MCC: variants seen among roughly 807,000 people sequenced by gnomAD.
MCC encodes the protein colorectal mutant cancer protein.
A neutral mutation model predicts 116.2 loss-of-function variants in MCC; 90 were observed. The ratio of observed to expected loss-of-function variants is 0.77; its 90% CI spans 0.65 to 0.92. The LOEUF (loss-of-function observed/expected upper bound fraction) is 0.92, where lower values mean the gene tolerates loss of function less well. Ranked by LOEUF, MCC falls within the 40% of genes least tolerant of loss-of-function variation. The pLI is 0.00. For synonymous variants in MCC, 578 were observed against 510.5 expected (o/e 1.13, Z -1.78); for missense variants, 1,516 against 1,312.2 (o/e 1.16, Z -2.40).
At chr5:113,094,705 C>A (rs1301460696) in intron 8 of MCC, among the ~76,000 whole-genome samples, 1 of 152,226 alleles carries the variant, frequency 6.6e-6, no homozygotes, top group Non-Finnish European at 1.5e-5. Context: ...CAGGCATGAG[C>A]CACCGCTCCC....
intron 3 of MCC, among the ~76,000 whole-genome samples, chr5:113,328,757 A>C (rs1202735511): frequency 6.6e-6 from 1 of 152,170 alleles, no homozygotes; most frequent in Non-Finnish European, 1.5e-5. Context: ...CAGAGAAGTG[A>C]AAATCCAGTC....
chr5:113,416,142 TC>T (rs1362755787), intron 1 of MCC, among the ~76,000 whole-genome samples: 6 of 152,218 alleles, frequency 3.9e-5, no homozygotes, highest in Non-Finnish European at 2.9e-5. Context: ...TCTGCATTGA[TC>T]ACGCTGGGAG....
At chr5:113,355,936 C>G in intron 2 of MCC, among the ~76,000 whole-genome samples, 1 of 152,104 alleles carries the variant, frequency 6.6e-6, no homozygotes. Context: ...ATCTGGCATC[C>G]CTGTAAGTAG....
chr5:113,289,817 C>T (rs1766413817), intron 3 of MCC, among the ~76,000 whole-genome samples: 1 of 152,222 alleles, frequency 6.6e-6, no homozygotes, highest in South Asian at 2.1e-4. Context: ...TTATTTTCAA[C>T]CTCTAAATTT....
At chr5:113,411,042 T>C (rs1769976692) in intron 1 of MCC, among the ~76,000 whole-genome samples, 1 of 152,236 alleles carries the variant, frequency 6.6e-6, no homozygotes, top group Admixed American at 6.5e-5. Flanking sequence ...GTCTTTGCTA[T>C]TGTGAATAGT....
chr5:113,310,422 A>G lies in MCC; in HGVS notation c.627+30097T>C, dbSNP rs915752790. On this transcript the variant is annotated intron_variant, in intron 3 of 18. Coordinates refer to ENST00000408903, the MANE Select transcript of MCC (RefSeq NM_001085377.2). ...TGAACTTCCCAGCCTCCAGAACGCT[A>G]AGAAATAAAGTTCTGTTCTTTAAAA... 6.6e-5 allele frequency among the ~76,000 whole-genome samples: 10 copies of G among 152,210 alleles called. 1 individual carries two copies. Among genetic ancestry groups the G allele is most frequent in the South Asian group, 4.1e-4 (2 of 4,832 alleles).
chr5:113,368,386 T>C (rs559854327), intron 2 of MCC, among the ~76,000 whole-genome samples: 1 of 152,310 alleles, frequency 6.6e-6, no homozygotes, highest in South Asian at 2.1e-4. Flanking sequence ...GAAAATTTCA[T>C]AGACTATTTT....
At position 113,347,432 on chromosome 5, in the gene MCC, T is replaced by C. The variant is rs1768162322; in HGVS notation, c.416-6702A>G. On this transcript the variant is annotated intron_variant, in intron 2 of 18. Transcript: ENST00000408903. The stretch of plus-strand genomic sequence containing the variant: ...CAGTGTTGTTATCAGTTAAAAATAA[T>C]GGGTTATGTATACATATGTAACAAA... Among the ~76,000 whole-genome samples, 5 of 152,300 alleles carry C rather than the reference T, an allele frequency of 3.3e-5. No individual in the cohort carries two copies. The South Asian group carries it at 8.3e-4, about 25-fold the overall frequency.
chr5:113,242,699 A>T (rs1764420238), intron 3 of MCC, among the ~76,000 whole-genome samples: 1 of 152,154 alleles, frequency 6.6e-6, no homozygotes, highest in African/African-American at 2.4e-5. Context: ...GAACATGACC[A>T]CACGGGGGTA....
chr5:113,222,814 A>C (rs1763599897), intron 3 of MCC, among the ~76,000 whole-genome samples: 1 of 152,180 alleles, frequency 6.6e-6, no homozygotes, highest in South Asian at 2.1e-4. Flanking sequence ...GGACCACTGC[A>C]CCCAGTGCAC....
intron 3 of MCC, among the ~76,000 whole-genome samples, chr5:113,263,281 AGGACCCTTAATG>A (rs1185859916): frequency 6.6e-6 from 1 of 152,204 alleles, no homozygotes; most frequent in South Asian, 2.1e-4. Context: ...TGTGATGGAG[AGGACCCTTAATG>A]GGAATGGAAG....
chr5:113,443,567 T>C (rs1217364812), intron 1 of MCC, among the ~76,000 whole-genome samples: 1 of 152,202 alleles, frequency 6.6e-6, no homozygotes, highest in Non-Finnish European at 1.5e-5. Context: ...CATCCTTGTC[T>C]TATGCCGGTT....
chr5:113,282,269 C>T (rs141671590), intron 3 of MCC, among the ~76,000 whole-genome samples: 158 of 152,328 alleles, frequency 1.0e-3, no homozygotes, highest in African/African-American at 3.6e-3. Flanking sequence ...CCCAATATGT[C>T]ATCACTGCTA....
intron 3 of MCC, among the ~76,000 whole-genome samples, chr5:113,190,418 G>A (rs896085355): frequency 6.6e-6 from 1 of 152,200 alleles, no homozygotes; most frequent in East Asian, 1.9e-4. Flanking sequence ...GGAAGGAGGG[G>A]CTATAAGGAT....
intron 3 of MCC, among the ~76,000 whole-genome samples, chr5:113,202,474 G>A (rs772781621): frequency 1.3e-5 from 2 of 152,026 alleles, no homozygotes; most frequent in South Asian, 2.1e-4. Context: ...TATCTGTTTC[G>A]ACAATACGTA....
At chr5:113,067,100 G>C (rs1317314624) in intron 13 of MCC, among the ~76,000 whole-genome samples, 1 of 152,160 alleles carries the variant, frequency 6.6e-6, no homozygotes, top group Non-Finnish European at 1.5e-5. Context: ...CCGCTTCCTA[G>C]AATGACATGC....
intron 8 of MCC, among the ~76,000 whole-genome samples, chr5:113,098,175 G>A (rs541963598): frequency 2.0e-5 from 3 of 152,284 alleles, no homozygotes; most frequent in East Asian, 3.9e-4. Flanking sequence ...TGGGGAAAGC[G>A]CTGATTATTT....
chr5:113,269,293 G>T, intron 3 of MCC: 1 of 754,238 alleles, frequency 1.3e-6, no homozygotes, highest in Non-Finnish European at 1.6e-6. Context: ...AGAGGCCAAT[G>T]AACTCTTTTT....
intron 3 of MCC, among the ~76,000 whole-genome samples, chr5:113,292,873 T>C (rs1766562358): frequency 6.6e-6 from 1 of 152,156 alleles, no homozygotes; most frequent in South Asian, 2.1e-4. Context: ...TGAAACAGGG[T>C]TAGTGATGGA....
Sources: gnomAD v4.1 joint callset for allele counts (sites outside exome capture counted in the v4.1 genomes callset) on GRCh38, gnomAD v4.1.1 for gene constraint, MANE v1.5 for transcripts, NCBI Gene and HGNC (gene_info 2026-07-23, HGNC 2026-07-21) for gene names.